HYDIN: variants seen among roughly 807,000 people sequenced by gnomAD.
HYDIN encodes HYDIN axonemal central pair apparatus protein.
HYDIN carries 132 observed loss-of-function variants against 403.9 expected under a neutral mutation model. The ratio of observed to expected loss-of-function variants is 0.33; its 90% CI spans 0.28 to 0.38. The LOEUF (loss-of-function observed/expected upper bound fraction) is 0.38. HYDIN is among the 10% of genes least tolerant of loss of function. HYDIN has a pLI of 1.00. For synonymous variants in HYDIN, 1,202 were observed against 1,891.7 expected (o/e 0.64, Z 9.46); for missense variants, 2,827 against 5,009.5 (o/e 0.56, Z 13.15).
intron 41 of HYDIN, among the ~76,000 whole-genome samples, chr16:70,948,616 A>G (rs1277158867): frequency 1.3e-5 from 2 of 152,008 alleles, no homozygotes; most frequent in Non-Finnish European, 2.9e-5. Context: ...TACAAGAAAA[A>G]AACAAACAAC....
At chr16:70,946,745 C>A (rs899522599) in intron 41 of HYDIN, among the ~76,000 whole-genome samples, 6 of 152,092 alleles carry the variant, frequency 3.9e-5, no homozygotes, top group Admixed American at 3.3e-4. Context: ...ATAGAGAGAT[C>A]TTGGAGTTTA....
At chr16:70,923,746 G>A (rs2077069751) in intron 45 of HYDIN, among the ~76,000 whole-genome samples, 1 of 149,480 alleles carries the variant, frequency 6.7e-6, no homozygotes, top group African/African-American at 2.5e-5. Flanking sequence ...GCATGAACCA[G>A]GGAGGCAGAG....
At chr16:71,208,170 T>C (rs1393245846) in intron 1 of HYDIN, among the ~76,000 whole-genome samples, 1 of 152,108 alleles carries the variant, frequency 6.6e-6, no homozygotes, top group African/African-American at 2.4e-5. Context: ...CAATCTGACA[T>C]AAAACAATCC....
At chr16:70,964,679 G>A (rs1231945121) in intron 37 of HYDIN, 49 bp downstream of exon 37, 1 of 1,579,278 alleles carries the variant, frequency 6.3e-7, no homozygotes. Flanking sequence ...TAATTCAGAG[G>A]GGCAAAGGCA....
At chr16:71,052,007 T>C (rs893197979) in intron 18 of HYDIN, among the ~76,000 whole-genome samples, 4 of 152,242 alleles carry the variant, frequency 2.6e-5, no homozygotes, top group African/African-American at 9.6e-5. Flanking sequence ...ATGAAGAAAA[T>C]TATAAGCCTT....
chr16:71,145,582 C>T (rs1360096581), intron 7 of HYDIN, among the ~76,000 whole-genome samples: 13 of 152,022 alleles, frequency 8.6e-5, no homozygotes, highest in Non-Finnish European at 1.8e-4. Flanking sequence ...TATTGTGGTT[C>T]AACCTATCTT....
At chr16:71,163,307 A>T (rs986316699) in intron 5 of HYDIN, among the ~76,000 whole-genome samples, 1 of 151,888 alleles carries the variant, frequency 6.6e-6, no homozygotes, top group African/African-American at 2.4e-5. Flanking sequence ...TATTTTTAGT[A>T]GAGACGGGGT....
intron 84 of HYDIN, chr16:70,817,384 C>T (rs1452632410): frequency 6.6e-6 from 1 of 151,430 alleles, no homozygotes; most frequent in African/African-American, 2.4e-5. Context: ...ACCAGGAGAT[C>T]CATGGCCACA....
In HYDIN at chr16:70,879,597, G is replaced by A; in HGVS notation, c.10367+8C>T. 3 of 1,613,596 alleles carry A rather than the reference G, an allele frequency of 1.9e-6. No individual in the cohort carries two copies. The highest frequency in any genetic ancestry group is 2.2e-5 in the East Asian group (1 of 44,866). ...CAGGAGAGGGAGCTGGGAGCTGGGAGTTGGTACCTGGGCAAGCCATCCAAG... is the reference window on the plus strand; with the variant it reads ...CAGGAGAGGGAGCTGGGAGCTGGGAATTGGTACCTGGGCAAGCCATCCAAG... On this transcript the variant is annotated splice_region_variant and intron_variant, in intron 61 of 85. Coordinates refer to ENST00000393567, the MANE Select transcript of HYDIN (RefSeq NM_001270974.2).
intron 18 of HYDIN, among the ~76,000 whole-genome samples, chr16:71,059,171 T>C (rs1381556974): frequency 1.3e-5 from 2 of 152,206 alleles, no homozygotes; most frequent in South Asian, 2.1e-4. Flanking sequence ...TTGTCAATTT[T>C]TGTTTTTGTT....
intron 46 of HYDIN, among the ~76,000 whole-genome samples, chr16:70,920,368 A>G: frequency 6.8e-6 from 1 of 146,762 alleles, no homozygotes; most frequent in South Asian, 2.3e-4. Context: ...GGCTTCCCAT[A>G]AGGTTGGATG....
chr16:71,131,834 G>A (rs1479325392), intron 8 of HYDIN: 1 of 150,592 alleles, frequency 6.6e-6, no homozygotes, highest in Non-Finnish European at 1.5e-5. Flanking sequence ...ATCCCCTGGT[G>A]CTAACCAATA....
Position 71,230,683 on chromosome 16 carries a change from T to C in HYDIN, c.-145A>G, listed in dbSNP as rs993461027. The C allele has an allele frequency of 1.6e-5, 25 of 1,535,810 alleles. No homozygotes were observed. Among genetic ancestry groups the C allele is most frequent in the Admixed American group, 3.9e-5 (2 of 50,964 alleles). On this transcript the variant is annotated 5_prime_UTR_variant, in exon 1 of 86. Coordinates refer to ENST00000393567, the MANE Select transcript of HYDIN (RefSeq NM_001270974.2). ...ACCCAGCTTGAAGCCGCCCGCACTC[T>C]CCATGCGCCGCCCGAGCTGTTGCCG...
chr16:70,888,984 G>GCTT (rs1187523753), intron 58 of HYDIN, among the ~76,000 whole-genome samples: 13 of 152,270 alleles, frequency 8.5e-5, no homozygotes, highest in African/African-American at 3.1e-4. Flanking sequence ...GTAGGAGTAG[G>GCTT]CTTCTGTTGG....
chr16:71,092,581 T>G (rs540408050), intron 11 of HYDIN, among the ~76,000 whole-genome samples: 2 of 152,248 alleles, frequency 1.3e-5, no homozygotes, highest in African/African-American at 4.8e-5. Flanking sequence ...GGGTGGTTTT[T>G]GTTTTTTTGT....
In HYDIN at chr16:71,106,457, A is replaced by G. The variant is rs537656590; in HGVS notation, c.1327+9239T>C. ...TCAACTTCTATAGTAGCAGTGCACT[A>G]TAACTGTTGGCTATGTGTCAGTTTC... On this transcript the variant is annotated intron_variant, in intron 10 of 85. Transcript: ENST00000393567. 7.5e-4 allele frequency among the ~76,000 whole-genome samples: 114 copies of G among 152,286 alleles called. 2 individuals are homozygous for G. The East Asian group carries it at 0.02, about 27-fold the overall frequency.
At chr16:71,181,303 T>C (rs1659509176) in intron 3 of HYDIN, among the ~76,000 whole-genome samples, 1 of 151,676 alleles carries the variant, frequency 6.6e-6, no homozygotes. Flanking sequence ...AAGAACAAGA[T>C]AGGAGGATTT....
intron 18 of HYDIN, among the ~76,000 whole-genome samples, chr16:71,046,912 A>C (rs1008827822): frequency 1.3e-5 from 2 of 152,136 alleles, no homozygotes; most frequent in Admixed American, 6.5e-5. Context: ...CATCTCTTAA[A>C]AGGGACATAA....
In HYDIN at chr16:71,088,477, G is replaced by A. The variant is rs1319386453; in HGVS notation, c.1494C>T (p.Thr498=). The stretch of plus-strand genomic sequence containing the variant: ...AGGCCCCCAAAGCTGAAGTTGGAGG[G>A]GTCATGTTGAAGAGAGCATCGATGC... ...KGSIDALFNM[T]PPTSALGACF... Residue 498 remains threonine, a synonymous_variant, in exon 12 of 86, where the codon ACC becomes ACT. Coordinates refer to ENST00000393567, the MANE Select transcript of HYDIN (RefSeq NM_001270974.2). The A allele has an allele frequency of 2.9e-5, 20 of 683,838 alleles. No homozygotes were observed. The highest frequency in any genetic ancestry group is 1.2e-4 in the Admixed American group (4 of 34,326). The allele number at this position is 683,838 out of a possible 1,614,324, so 42.4% of individuals were successfully genotyped here.
Sources: gnomAD v4.1 joint callset for allele counts (sites outside exome capture counted in the v4.1 genomes callset) on GRCh38, gnomAD v4.1.1 for gene constraint, MANE v1.5 for transcripts, NCBI Gene and HGNC (gene_info 2026-07-23, HGNC 2026-07-21) for gene names.